RABEP2: variants seen among roughly 807,000 people sequenced by gnomAD.
RABEP2 encodes rab GTPase-binding effector protein 2.
Under a neutral mutation model 74.1 loss-of-function variants are expected in RABEP2, and 57 were observed. The ratio of observed to expected loss-of-function variants is 0.77; its 90% CI spans 0.62 to 0.96. The LOEUF (loss-of-function observed/expected upper bound fraction) is 0.96, where lower values mean the gene tolerates loss of function less well. RABEP2 is among the 40% of genes least tolerant of loss of function. The probability of loss-of-function intolerance (pLI) is 0.00; values close to 1 mark genes in which losing one functional copy is unlikely to be tolerated. For missense variants in RABEP2, 692 were observed against 756.3 expected, an observed-to-expected ratio of 0.91 and a Z score of 1.00; for synonymous variants, 351 against 344.0, an observed-to-expected ratio of 1.02 and a Z score of -0.23.
chr16:28,918,775 T>C (rs1050306197), intron 3 of RABEP2, among the ~76,000 whole-genome samples: 16 of 151,926 alleles, frequency 1.1e-4, no homozygotes, highest in Admixed American at 1.0e-3. Flanking sequence ...TGTCAGCCTC[T>C]TGAGTAGCTG....
chr16:28,925,058 C>G, intron 1 of RABEP2, 45 bp downstream of exon 1: 1 of 1,542,818 alleles, frequency 6.5e-7, no homozygotes, highest in Non-Finnish European at 8.7e-7. Context: ...CGGCCCCGCC[C>G]CCAGCATCAC....
chr16:28,914,913 C>T (rs941032063), intron 3 of RABEP2, 131 bp from the exon 4 acceptor site: 1 of 726,262 alleles, frequency 1.4e-6, no homozygotes. Context: ...CACCCTCATT[C>T]CAGAGATAAG....
intron 2 of RABEP2, among the ~76,000 whole-genome samples, chr16:28,922,697 C>T (rs538538986): frequency 4.6e-5 from 7 of 151,366 alleles, no homozygotes; most frequent in African/African-American, 1.5e-4. Flanking sequence ...TGTACTCCAG[C>T]CTGGGCGACA....
At chr16:28,905,986 C>A (rs1240010473) in intron 9 of RABEP2, 33 bp downstream of exon 9, 24 of 1,610,164 alleles carry the variant, frequency 1.5e-5, no homozygotes, top group Non-Finnish European at 2.0e-5. Context: ...GGGCCCTGGG[C>A]CCGGGGCTGG....
At chr16:28,906,511 T>A (rs1446996574) in intron 8 of RABEP2, among the ~76,000 whole-genome samples, 1 of 152,144 alleles carries the variant, frequency 6.6e-6, no homozygotes, top group Non-Finnish European at 1.5e-5. Flanking sequence ...ACACCTGCAA[T>A]CTCAGTACTT....
intron 7 of RABEP2, chr16:28,910,276 T>A (rs1228597618): frequency 6.7e-6 from 1 of 149,500 alleles, no homozygotes; most frequent in Non-Finnish European, 1.5e-5. Context: ...TTTGTCAGTA[T>A]CTGATTTGCT....
intron 3 of RABEP2, among the ~76,000 whole-genome samples, chr16:28,918,792 C>T (rs1964429408): frequency 6.6e-6 from 1 of 152,016 alleles, no homozygotes; most frequent in South Asian, 2.1e-4. Flanking sequence ...GCTGGGACTA[C>T]AGGTGTGCAC....
Position 28,925,105 on chromosome 16 carries a change from GC to G in RABEP2, c.58del (p.Ala20LeufsTer38). The G allele has an allele frequency of 1.3e-6, 2 of 1,537,798 alleles. No individual in the cohort carries two copies. Among genetic ancestry groups the G allele is most frequent in the Non-Finnish European group, 8.7e-7 (1 of 1,149,372 alleles). On this transcript the variant is annotated frameshift_variant, in exon 1 of 13. Transcript: ENST00000358201. LOFTEE classifies it high-confidence loss of function. ...DDDERRRRPG[A>X]ALEDSRSQEG... ...TGCACGGACGCCCCCTCACGTACCA[GC>G]CCCCGGCCGCCGCCGCCGCTCATCG... is the stretch of plus-strand genomic sequence containing the variant.
intron 5 of RABEP2, among the ~76,000 whole-genome samples, chr16:28,913,638 C>T (rs1008265216): frequency 2.0e-5 from 3 of 151,942 alleles, no homozygotes; most frequent in African/African-American, 4.8e-5. Flanking sequence ...TGCGCCACCA[C>T]GCCCAGCTAA....
intron 3 of RABEP2, among the ~76,000 whole-genome samples, 185 bp from the exon 4 acceptor site, chr16:28,914,967 A>G: frequency 6.6e-6 from 1 of 151,300 alleles, no homozygotes. Flanking sequence ...CCCAGGACAT[A>G]AGGGCAAGGA....
intron 2 of RABEP2, among the ~76,000 whole-genome samples, chr16:28,921,522 G>A (rs988913996): frequency 2.6e-5 from 4 of 151,940 alleles, no homozygotes; most frequent in African/African-American, 4.8e-5. Context: ...CAGTGAAGGC[G>A]CCCAAGGAGA....
intron 3 of RABEP2, 30 bp from the exon 4 acceptor site, chr16:28,914,812 T>A (rs772323713): frequency 1.3e-6 from 2 of 1,597,196 alleles, no homozygotes; most frequent in South Asian, 2.2e-5. Flanking sequence ...GCAGCAATAG[T>A]TCCCCCTCCA....
In RABEP2 at chr16:28,904,634, G is replaced by A; in HGVS notation, c.*309C>T. The A allele has an allele frequency of 1.1e-6, 1 of 931,686 alleles. No individual in the cohort carries two copies. Among genetic ancestry groups the A allele is most frequent in the Non-Finnish European group, 1.5e-6 (1 of 666,258 alleles). 57.7% of individuals were successfully genotyped at this position (931,686 alleles called of 1,614,324 possible). On this transcript the variant is annotated 3_prime_UTR_variant, in exon 13 of 13. Coordinates refer to ENST00000358201, the MANE Select transcript of RABEP2 (RefSeq NM_024816.3). ...TCCGCTGTGCCCTGGGCAGGGGACG[G>A]GCTGGGGGCAGGGGAGGGCTGGAGC...
At chr16:28,923,129 C>T (rs1230537916) in intron 2 of RABEP2, among the ~76,000 whole-genome samples, 4 of 152,126 alleles carry the variant, frequency 2.6e-5, no homozygotes, top group Admixed American at 6.6e-5. Context: ...GCTACCTGGC[C>T]AGGCGCGGTG....
chr16:28,911,655 A>AG (rs1348495250), intron 5 of RABEP2, among the ~76,000 whole-genome samples: 4 of 142,854 alleles, frequency 2.8e-5, no homozygotes, highest in South Asian at 2.2e-4. Context: ...CTCAAAAAAG[A>AG]GAAAAAAAAA....
At chr16:28,924,043 G>A (rs965477436) in intron 2 of RABEP2, 1 of 329,196 alleles carries the variant, frequency 3.0e-6, no homozygotes, top group Non-Finnish European at 5.8e-6. Flanking sequence ...ACTGGGCCAG[G>A]GCTGATTCTA....
intron 5 of RABEP2, among the ~76,000 whole-genome samples, chr16:28,913,141 G>A (rs962196713): frequency 6.6e-6 from 1 of 151,718 alleles, no homozygotes; most frequent in African/African-American, 2.4e-5. Flanking sequence ...TGTTGGTCAG[G>A]CTGGTCTTGA....
chr16:28,913,171 C>A (rs1212449637), intron 5 of RABEP2, among the ~76,000 whole-genome samples: 1 of 152,016 alleles, frequency 6.6e-6, no homozygotes, highest in Admixed American at 6.5e-5. Flanking sequence ...CTCAGGTGAT[C>A]TGCCCATCTC....
At chr16:28,915,822 C>T (rs1294234740) in intron 3 of RABEP2, among the ~76,000 whole-genome samples, 1 of 151,872 alleles carries the variant, frequency 6.6e-6, no homozygotes, top group Admixed American at 6.6e-5. Flanking sequence ...AGGTGTGAGC[C>T]ACCGTGCCTG....
Sources: allele counts gnomAD v4.1 joint callset (sites outside exome capture counted in the v4.1 genomes callset), GRCh38; gene constraint gnomAD v4.1.1; transcripts MANE v1.5; gene names NCBI Gene and HGNC (gene_info 2026-07-23, HGNC 2026-07-21).